ATG10: variants seen among roughly 807,000 people sequenced by gnomAD.
ATG10 encodes autophagy related 10.
A neutral mutation model predicts 32.1 loss-of-function variants in ATG10; 30 were observed. The ratio of observed to expected loss-of-function variants is 0.94; its 90% CI spans 0.70 to 1.27. The LOEUF (loss-of-function observed/expected upper bound fraction) is 1.27. Ranked by LOEUF, ATG10 falls within the 50% of genes most tolerant of loss-of-function variation. The pLI is 0.00. For synonymous variants in ATG10, 87 were observed against 91.5 expected (o/e 0.95, Z 0.28); for missense variants, 233 against 262.3 (o/e 0.89, Z 0.77).
chr5:82,140,875 A>G (rs1351966551), intron 3 of ATG10, among the ~76,000 whole-genome samples: 2 of 61,910 alleles, frequency 3.2e-5, no homozygotes, highest in African/African-American at 1.2e-4. Context: ...TTTGTTCTAC[A>G]CTAAGAAAAA....
intron 3 of ATG10, among the ~76,000 whole-genome samples, chr5:82,139,000 G>A (rs1308601550): frequency 6.6e-6 from 1 of 150,726 alleles, no homozygotes; most frequent in Non-Finnish European, 1.5e-5. Flanking sequence ...TCGCAGGCAC[G>A]CGCCGCCACG....
chr5:82,138,001 T>C (rs1205303236), intron 3 of ATG10, among the ~76,000 whole-genome samples: 2 of 152,172 alleles, frequency 1.3e-5, no homozygotes, highest in African/African-American at 2.4e-5. Context: ...CAATTTGAAC[T>C]TCCCAGAGGC....
intron 2 of ATG10, among the ~76,000 whole-genome samples, chr5:81,996,887 A>G (rs965429471): frequency 2.0e-5 from 3 of 152,220 alleles, no homozygotes; most frequent in Admixed American, 1.3e-4. Flanking sequence ...GAGAAAACAA[A>G]TATGAAAGTA....
chr5:82,062,944 T>C (rs1184165790), intron 3 of ATG10, among the ~76,000 whole-genome samples: 1 of 152,240 alleles, frequency 6.6e-6, no homozygotes, highest in Non-Finnish European at 1.5e-5. Context: ...TTCTTCATCA[T>C]AGATTTGTTT....
At chr5:82,031,160 C>T (rs1762732741) in intron 2 of ATG10, among the ~76,000 whole-genome samples, 1 of 152,028 alleles carries the variant, frequency 6.6e-6, no homozygotes, top group South Asian at 2.1e-4. Context: ...AGAATGCTTT[C>T]AGAGGTGGGC....
chr5:82,119,081 C>T (rs927449878), intron 3 of ATG10, among the ~76,000 whole-genome samples: 1 of 152,090 alleles, frequency 6.6e-6, no homozygotes, highest in Non-Finnish European at 1.5e-5. Context: ...ATTACTTTAA[C>T]CTATGGAGAT....
intron 2 of ATG10, among the ~76,000 whole-genome samples, chr5:82,050,972 C>T (rs1351389640): frequency 1.3e-5 from 2 of 151,796 alleles, no homozygotes; most frequent in Non-Finnish European, 2.9e-5. Flanking sequence ...GATCATGCCA[C>T]TGCTCTCTAA....
chr5:82,165,705 T>C (rs1241130645), intron 4 of ATG10, among the ~76,000 whole-genome samples: 1 of 152,228 alleles, frequency 6.6e-6, no homozygotes, highest in Non-Finnish European at 1.5e-5. Flanking sequence ...ACACTCATTT[T>C]ATGGTAATTA....
In ATG10 at chr5:82,220,851, TC is replaced by T. The variant is rs377570751; in HGVS notation, c.454-31709del. ...ATCTTGGCTCTCTGCGACCTCTGCC[TC>T]CTGGATTCAAGCAATTCTCCTGCCT... is the stretch of plus-strand genomic sequence containing the variant. On this transcript the variant is annotated intron_variant, in intron 5 of 7. Transcript: ENST00000282185. 8.2e-3 allele frequency among the ~76,000 whole-genome samples: 1,240 copies of T among 151,738 alleles called. 9 individuals carry two copies. The highest frequency in any genetic ancestry group is 0.012 in the Non-Finnish European group (789 of 67,910).
At chr5:82,202,353 A>C (rs1028913576) in intron 5 of ATG10, among the ~76,000 whole-genome samples, 4 of 152,208 alleles carry the variant, frequency 2.6e-5, no homozygotes, top group African/African-American at 9.6e-5. Flanking sequence ...AACAGAAAAA[A>C]AAACTGACCT....
intron 1 of ATG10, among the ~76,000 whole-genome samples, chr5:81,974,419 G>A (rs761515285): frequency 1.4e-4 from 21 of 152,206 alleles, no homozygotes; most frequent in Non-Finnish European, 2.8e-4. Flanking sequence ...TGATCACATA[G>A]TTTTATAGGA....
chr5:82,121,800 C>G (rs545988999), intron 3 of ATG10, among the ~76,000 whole-genome samples: 40 of 152,006 alleles, frequency 2.6e-4, no homozygotes, highest in African/African-American at 9.7e-4. Flanking sequence ...CCTTGCATCC[C>G]GGGGATAAAG....
chr5:82,011,891 C>T (rs1313987462), intron 2 of ATG10, among the ~76,000 whole-genome samples: 1 of 152,198 alleles, frequency 6.6e-6, no homozygotes, highest in Non-Finnish European at 1.5e-5. Flanking sequence ...TCTCAAGCTT[C>T]TCTGTAATCC....
chr5:82,149,880 T>G (rs1434075557), intron 3 of ATG10, among the ~76,000 whole-genome samples: 2 of 152,206 alleles, frequency 1.3e-5, no homozygotes, highest in East Asian at 3.8e-4. Flanking sequence ...ACTGTCAGAT[T>G]TCGTCATGTT....
At chr5:82,250,304 T>C (rs1205697608) in intron 5 of ATG10, among the ~76,000 whole-genome samples, 1 of 152,202 alleles carries the variant, frequency 6.6e-6, no homozygotes, top group Non-Finnish European at 1.5e-5. Flanking sequence ...TGATCTTTGA[T>C]TAAGTTTCAC....
intron 3 of ATG10, among the ~76,000 whole-genome samples, chr5:82,085,761 A>G (rs1331325682): frequency 6.6e-6 from 1 of 152,216 alleles, no homozygotes; most frequent in Non-Finnish European, 1.5e-5. Context: ...ATTTGCACAC[A>G]CTAGGTACAA....
rs184465018 is a variant in ATG10, at chr5:81,982,753, G to T, written c.-12-4806G>T. On this transcript the variant is annotated intron_variant, in intron 1 of 7. Coordinates refer to ENST00000282185, the MANE Select transcript of ATG10 (RefSeq NM_031482.5). ...GTCCCTGATTACTTGAGATTAGGGA[G>T]TGGTGATGACTCTTAATGAGCATGC... Among the ~76,000 whole-genome samples the T allele has an allele frequency of 2.6e-5, 4 of 152,214 alleles. No homozygotes were observed. In the South Asian group the frequency reaches 8.3e-4, roughly 32 times the overall value.
chr5:82,015,465 T>A (rs1012409638), intron 2 of ATG10, among the ~76,000 whole-genome samples: 16 of 152,192 alleles, frequency 1.1e-4, no homozygotes, highest in East Asian at 5.8e-4. Flanking sequence ...CAGGTACACC[T>A]ATCAGACGTA....
intron 3 of ATG10, among the ~76,000 whole-genome samples, chr5:82,100,624 G>C (rs1434907610): frequency 1.3e-5 from 2 of 151,978 alleles, no homozygotes; most frequent in Non-Finnish European, 2.9e-5. Flanking sequence ...CTTCAGTGTA[G>C]ATCTGGGCAA....
Sources: allele counts gnomAD v4.1 joint callset (sites outside exome capture counted in the v4.1 genomes callset), GRCh38; gene constraint gnomAD v4.1.1; transcripts MANE v1.5; gene names NCBI Gene and HGNC (gene_info 2026-07-23, HGNC 2026-07-21).